NOLC1: variants seen among roughly 807,000 people sequenced by gnomAD.
The protein encoded by NOLC1 is nucleolar and coiled-body phosphoprotein 1, also known as 140 kDa nucleolar phosphoprotein.
In NOLC1, 37 loss-of-function variants were observed where a neutral mutation model predicts 73.4. The observed-to-expected ratio is 0.50, with a 90% CI of 0.39 to 0.66. NOLC1 has a LOEUF of 0.66. NOLC1 is among the 30% of genes least tolerant of loss of function. The pLI is 0.00. For missense variants in NOLC1, 921 were observed against 838.9 expected (o/e 1.10, Z -1.21); for synonymous variants, 327 against 302.6 (o/e 1.08, Z -0.84).
At chr10:102,152,951 T>C (rs552122410) in intron 1 of NOLC1, among the ~76,000 whole-genome samples, 2 of 152,336 alleles carry the variant, frequency 1.3e-5, no homozygotes, top group African/African-American at 4.8e-5. Context: ...CAAAAGCAAG[T>C]GAAATTTCTT....
At position 102,161,560 on chromosome 10, in the gene NOLC1, A is replaced by T; in HGVS notation, c.1746A>T (p.Ser582=). 1 of 1,613,496 alleles carries T rather than the reference A, an allele frequency of 6.2e-7. No individual in the cohort carries two copies. Among genetic ancestry groups the T allele is most frequent in the East Asian group, 2.2e-5 (1 of 44,880 alleles). Residue 582 remains serine, a synonymous_variant, in exon 11 of 13, where the codon TCA becomes TCT. Coordinates refer to ENST00000605788, the MANE Select transcript of NOLC1 (RefSeq NM_004741.5). ...GTCTGGCTTTTTGTTTTGTAGGTTC[A>T]TTAAAGAAGCGGAAGCAGAATGAGG... ...KAAVVVSKSG[S]LKKRKQNEAA...
At chr10:102,162,032 G>T in intron 12 of NOLC1, 79 bp from the exon 13 acceptor site, 2 of 1,603,782 alleles carry the variant, frequency 1.2e-6, no homozygotes, top group South Asian at 2.2e-5. Flanking sequence ...AGGTTTCCTT[G>T]AGCAGGGAGT....
intron 1 of NOLC1, among the ~76,000 whole-genome samples, chr10:102,156,548 C>T (rs560955054): frequency 1.3e-5 from 2 of 152,012 alleles, no homozygotes; most frequent in South Asian, 4.2e-4. Context: ...AGCAATTCTC[C>T]TGCTTCAGCC....
chr10:102,157,121 G>A (rs2069610176), intron 2 of NOLC1, 47 bp downstream of exon 2: 1 of 1,613,784 alleles, frequency 6.2e-7, no homozygotes, highest in Admixed American at 1.7e-5. Flanking sequence ...CCCAAGATAG[G>A]CTGGGCTGTG....
intron 1 of NOLC1, 56 bp downstream of exon 1, chr10:102,152,586 CCT>C (rs2069524476): frequency 6.2e-7 from 1 of 1,607,548 alleles, no homozygotes; most frequent in African/African-American, 1.3e-5. Flanking sequence ...GGCTTCAGGC[CCT>C]GACGTGCTTA....
In NOLC1 at chr10:102,159,846, A is replaced by G. The variant is rs1445208121; in HGVS notation, c.860-50A>G. ...CATTTCTACAAGAAAGTAGTATCAA[A>G]AAAAGTTGTAGACATATCCTAAAAC... On this transcript the variant is annotated intron_variant, in intron 7 of 12. Transcript: ENST00000605788. The G allele has an allele frequency of 2.7e-6, 4 of 1,460,612 alleles. No individual in the cohort carries two copies. In the Admixed American group the frequency reaches 1.1e-4, roughly 41 times the overall value. 90.5% of individuals were successfully genotyped at this position (1,460,612 alleles called of 1,614,324 possible). A position where few individuals can be genotyped will look rare whatever the true frequency, so the allele number is the denominator to read the frequency against.
chr10:102,155,265 TCC>T (rs1372362797), intron 1 of NOLC1, among the ~76,000 whole-genome samples: 1 of 151,558 alleles, frequency 6.6e-6, no homozygotes, highest in East Asian at 1.9e-4. Context: ...TCTCAGATGA[TCC>T]ACCCGCCTCA....
At position 102,161,894 on chromosome 10, in the gene NOLC1, C is replaced by T. The variant is rs768705455; in HGVS notation, c.1910C>T (p.Ser637Leu). 2 of 1,614,010 alleles carry T rather than the reference C, an allele frequency of 1.2e-6. No homozygotes were observed. The highest frequency in any genetic ancestry group is 2.7e-5 in the African/African-American group (2 of 74,906). Residue 637 changes from serine (S) to leucine (L), a missense_variant, in exon 12 of 13, where the codon TCA (serine) becomes TTA (leucine). Physicochemically the swap from Ser to Leu is moderately radical, Grantham distance 145 (BLOSUM62 -2). Coordinates refer to ENST00000605788, the MANE Select transcript of NOLC1 (RefSeq NM_004741.5). Reference sequence around the variant, plus strand: ...AGGGAGGAGGAAATTGAGGTGGATTCACGAGTTGCGGACAACTCCTTTGAT... The same window carrying T: ...AGGGAGGAGGAAATTGAGGTGGATTTACGAGTTGCGGACAACTCCTTTGAT... Reference protein sequence around the residue: ...RVREEEIEVDSRVADNSFDAK... With the variant: ...RVREEEIEVDLRVADNSFDAK...
chr10:102,152,934 TG>T (rs535279399), intron 1 of NOLC1, among the ~76,000 whole-genome samples: 150 of 152,360 alleles, frequency 9.8e-4, no homozygotes, highest in Middle Eastern at 6.8e-3. Context: ...TCACATTTAC[TG>T]GGATTCAAAA....
At position 102,160,922 on chromosome 10, in the gene NOLC1, G is replaced by A. The variant is rs142891957; in HGVS notation, c.1570G>A (p.Asp524Asn). 1.8e-4 allele frequency: 285 copies of A among 1,614,140 alleles called. 1 individual carries two copies. In the African/African-American group the frequency reaches 3.5e-3, roughly 20 times the overall value. ...GAGCAGCAACAGTTCTTCTTCTGAT[G>A]ACTCCAGTGAGGAAGAGGAAGAGAA... ...AESSNSSSSD[D>N]SSEEEEEKLK... The change falls in exon 10 of 13, where the codon GAC becomes AAC. Residue 524 changes from aspartate (D) to asparagine (N), a missense_variant. By Grantham distance (23) the Asp-to-Asn change is conservative. Coordinates refer to ENST00000605788, the MANE Select transcript of NOLC1 (RefSeq NM_004741.5).
intron 1 of NOLC1, 131 bp from the exon 2 acceptor site, chr10:102,156,888 C>A: frequency 1.2e-6 from 1 of 856,012 alleles, no homozygotes; most frequent in South Asian, 1.6e-5. Context: ...CTGATTTATG[C>A]ACGTAGCAAA....
rs1245725436 is a variant in NOLC1 at position 102,161,181 on chromosome 10, G to A, written c.1741+88G>A. The A allele has an allele frequency of 5.2e-6, 7 of 1,352,764 alleles. 1 individual carries two copies. In the Admixed American group the frequency reaches 1.6e-4, roughly 30 times the overall value. 83.8% of individuals were successfully genotyped at this position (1,352,764 alleles called of 1,614,324 possible). On this transcript the variant is annotated intron_variant, in intron 10 of 12. Transcript: ENST00000605788. ...TTTGAGAGTAGGGTAGTGAGAGGAG[G>A]CCCACCACTGGGCTTCCAGTTGTGG...
chr10:102,157,086 C>G lies in NOLC1; in HGVS notation c.176+12C>G, dbSNP rs375657159. 6 of 1,613,992 alleles carry G rather than the reference C, an allele frequency of 3.7e-6. No homozygotes were observed. Among genetic ancestry groups the G allele is most frequent in the Non-Finnish European group, 5.1e-6 (6 of 1,179,958 alleles). ...AGCTTCTGGCTCAAGTAAGCCTTTC[C>G]TGTTCCATTTTGGCTATTTTCTCCC... On this transcript the variant is annotated intron_variant, in intron 2 of 12. Transcript: ENST00000605788.
intron 1 of NOLC1, among the ~76,000 whole-genome samples, chr10:102,155,022 A>ATT (rs34034390): frequency 1.2e-3 from 161 of 131,218 alleles, no homozygotes; most frequent in East Asian, 7.9e-3. Context: ...CACCTGGCTA[A>ATT]TTTTTTTTTT....
chr10:102,153,608 A>T (rs2069542518), intron 1 of NOLC1, among the ~76,000 whole-genome samples: 1 of 152,082 alleles, frequency 6.6e-6, no homozygotes. Flanking sequence ...TTGACTGTTA[A>T]GGAGACTGCG....
rs373265673 is a variant in NOLC1, at chr10:102,158,040, T to C, written c.442-9T>C. 3.1e-6 allele frequency: 5 copies of C among 1,611,488 alleles called. No individual in the cohort carries two copies. The highest frequency in any genetic ancestry group is 1.7e-4 in the Middle Eastern group (1 of 5,866). On this transcript the variant is annotated splice_polypyrimidine_tract_variant and intron_variant, in intron 4 of 12. Transcript: ENST00000605788. ...TTGCTGATTTCTCTCCTTGTGTCTT[T>C]TCTAACAGAAGGGAGTTAAGCCCCA...
At chr10:102,159,355 G>A (rs759647690) in intron 6 of NOLC1, 47 bp downstream of exon 6, 7 of 1,613,664 alleles carry the variant, frequency 4.3e-6, no homozygotes, top group Non-Finnish European at 5.9e-6. Flanking sequence ...AGGGTGTGAT[G>A]TGTGTGTGTC....
At chr10:102,152,964 G>A (rs1287820342) in intron 1 of NOLC1, among the ~76,000 whole-genome samples, 3 of 152,224 alleles carry the variant, frequency 2.0e-5, no homozygotes, top group Non-Finnish European at 4.4e-5. Flanking sequence ...AATTTCTTTA[G>A]AATGAAGTCT....
chr10:102,163,160 C>T lies in NOLC1; in HGVS notation c.*891C>T, dbSNP rs1172450569. The T allele has an allele frequency of 6.6e-6, 1 of 152,054 alleles. No individual in the cohort carries two copies. The highest frequency in any genetic ancestry group is 1.5e-5 in the Non-Finnish European group (1 of 68,024). 9.4% of individuals were successfully genotyped at this position (152,054 alleles called of 1,614,324 possible). The stretch of plus-strand genomic sequence containing the variant: ...ACATGAGTTTGAAAAATACATATCA[C>T]TTGGTATTGCTGTCTTGGTTGCAGT... On this transcript the variant is annotated 3_prime_UTR_variant, in exon 13 of 13. Transcript: ENST00000605788.
Sources: gnomAD v4.1 joint callset for allele counts (sites outside exome capture counted in the v4.1 genomes callset) on GRCh38, gnomAD v4.1.1 for gene constraint, MANE v1.5 for transcripts, NCBI Gene and HGNC (gene_info 2026-07-23, HGNC 2026-07-21) for gene names.